The following MAP3K2 variants were observed in gnomAD, a reference collection of about 807,000 sequenced individuals.
MAP3K2 encodes the protein MAP/ERK kinase kinase 2.
MAP3K2 carries 24 observed loss-of-function variants against 80.3 expected under a neutral mutation model. The observed-to-expected ratio is 0.30, with a 90% CI of 0.22 to 0.42. The LOEUF (loss-of-function observed/expected upper bound fraction) is 0.42, where lower values mean the gene tolerates loss of function less well. Among genes scored for constraint, MAP3K2 ranks in the 10% least tolerant of loss-of-function variants. The probability of loss-of-function intolerance (pLI) is 1.00; values close to 1 mark genes in which losing one functional copy is unlikely to be tolerated. For synonymous variants in MAP3K2, 244 were observed against 253.7 expected (o/e 0.96, Z 0.36); for missense variants, 608 against 750.1 (o/e 0.81, Z 2.21).
At chr2:127,338,778 G>T (rs933911022) in intron 3 of MAP3K2, among the ~76,000 whole-genome samples, 154 bp downstream of exon 3, 1 of 152,082 alleles carries the variant, frequency 6.6e-6, no homozygotes. Flanking sequence ...ACTGTTAATA[G>T]ATGAACACAC....
chr2:127,382,628 G>A (rs939715940), intron 1 of MAP3K2, among the ~76,000 whole-genome samples: 2 of 152,240 alleles, frequency 1.3e-5, no homozygotes, highest in South Asian at 2.1e-4. Flanking sequence ...CATCTCTTGG[G>A]TTCAAGCAGT....
rs1428272012 is a variant in MAP3K2, at chr2:127,339,204, T to G, written c.5-154A>C. ...TAGAACATTTTTAATGCCTACACTT[T>G]TGGTAAAATAAAATTGCACTAGACT... On this transcript the variant is annotated intron_variant, in intron 2 of 16. Transcript: ENST00000682094. This position sits in a 1 kb window ranked among gnomAD's most constrained non-coding sequence, Gnocchi z 4.2. Among the ~76,000 whole-genome samples, 2 of 152,222 alleles carry G rather than the reference T, an allele frequency of 1.3e-5. No individual in the cohort carries two copies. Among genetic ancestry groups the G allele is most frequent in the African/African-American group, 4.8e-5 (2 of 41,450 alleles).
At position 127,305,977 on chromosome 2, in the gene MAP3K2, A is replaced by G. The variant is rs1685690101; in HGVS notation, c.*1602T>C. ...AAATCATGAATTTTAAGGAAAGAAT[A>G]TATAGAGATGGCTGAGTTCAAAAGG... On this transcript the variant is annotated 3_prime_UTR_variant, in exon 17 of 17. Coordinates refer to ENST00000682094, the MANE Select transcript of MAP3K2 (RefSeq NM_001371910.2). 6.7e-6 allele frequency: 1 copy of G among 149,520 alleles called. No individual in the cohort carries two copies. Among genetic ancestry groups the G allele is most frequent in the Non-Finnish European group, 1.5e-5 (1 of 67,658 alleles). 9.3% of individuals were successfully genotyped at this position (149,520 alleles called of 1,614,324 possible).
At position 127,370,445 on chromosome 2, in the gene MAP3K2, G is replaced by A. The variant is rs187475414; in HGVS notation, c.-66+17007C>T. On this transcript the variant is annotated intron_variant, in intron 1 of 16. Transcript: ENST00000682094. ...TTGAAAATGAAGGTGAAAAAACTGC[G>A]GTCAGTAAGTCACTGTTGCCTGCTC... is the stretch of plus-strand genomic sequence containing the variant. Among the ~76,000 whole-genome samples, 170 of 152,318 alleles carry A rather than the reference G, an allele frequency of 1.1e-3. 2 individuals carry two copies. The highest frequency in any genetic ancestry group is 3.8e-3 in the African/African-American group (158 of 41,568).
intron 1 of MAP3K2, among the ~76,000 whole-genome samples, chr2:127,351,830 T>C (rs1409758797): frequency 6.6e-6 from 1 of 152,102 alleles, no homozygotes; most frequent in Non-Finnish European, 1.5e-5. Context: ...GTCCTTGCCA[T>C]GGCTTACTTC....
At chr2:127,328,509 G>A (rs1367421461) in intron 7 of MAP3K2, among the ~76,000 whole-genome samples, 1 of 152,152 alleles carries the variant, frequency 6.6e-6, no homozygotes, top group Non-Finnish European at 1.5e-5. Context: ...CACATTTACT[G>A]GTCTCAGGTT....
rs546692616 is a variant in MAP3K2 at position 127,330,183 on chromosome 2, G to A, written c.379-175C>T. 7.9e-5 allele frequency among the ~76,000 whole-genome samples: 12 copies of A among 152,060 alleles called. No individual in the cohort carries two copies. In the East Asian group the frequency reaches 1.5e-3, roughly 20 times the overall value. The stretch of plus-strand genomic sequence containing the variant: ...TAAGTTGTCAGTTTCTATTAGCTTC[G>A]TATGTACAACATATTATACTTATTT... On this transcript the variant is annotated intron_variant, in intron 6 of 16. Transcript: ENST00000682094.
intron 5 of MAP3K2, among the ~76,000 whole-genome samples, chr2:127,332,679 T>C (rs568787692): frequency 1.3e-5 from 2 of 152,256 alleles, no homozygotes; most frequent in South Asian, 4.1e-4. Flanking sequence ...TCTATCACCC[T>C]CTGGCTTATT....
chr2:127,346,744 T>TA (rs35032074), intron 1 of MAP3K2, among the ~76,000 whole-genome samples: 57,271 of 151,934 alleles, frequency 0.38, 11,545 homozygotes, highest in East Asian at 0.62. Flanking sequence ...TCCCAGCACT[T>TA]TGGGAGGCTG....
At chr2:127,329,366 C>CTTTTTTTTT (rs10625897) in intron 7 of MAP3K2, among the ~76,000 whole-genome samples, 1 of 146,416 alleles carries the variant, frequency 6.8e-6, no homozygotes, top group Non-Finnish European at 1.5e-5. Flanking sequence ...CAATTAAAAC[C>CTTTTTTTTT]TTTTTTTTTG....
chr2:127,354,105 T>C (rs958047855), intron 1 of MAP3K2, among the ~76,000 whole-genome samples: 1 of 151,888 alleles, frequency 6.6e-6, no homozygotes, highest in Non-Finnish European at 1.5e-5. Flanking sequence ...ACAAACACTG[T>C]GGAAGGCCGC....
chr2:127,369,748 A>G (rs2104885816), intron 1 of MAP3K2, among the ~76,000 whole-genome samples: 1 of 152,352 alleles, frequency 6.6e-6, no homozygotes, highest in Non-Finnish European at 1.5e-5. Context: ...AGTACAGTCA[A>G]GAGTCTTCCT....
Position 127,306,764 on chromosome 2 carries a change from C to G in MAP3K2, c.*815G>C, listed in dbSNP as rs537823477. ...TTGACTGTAAATGTGGTCTCTTCTA[C>G]TGCTCACACATTTGATAAGAGTGAT... On this transcript the variant is annotated 3_prime_UTR_variant, in exon 17 of 17. Transcript: ENST00000682094. This position sits in a 1 kb window ranked among gnomAD's most constrained non-coding sequence, Gnocchi z 4.7. 1 of 152,354 alleles carries G rather than the reference C, an allele frequency of 6.6e-6. No homozygotes were observed. The highest frequency in any genetic ancestry group is 2.4e-5 in the African/African-American group (1 of 41,496). 9.4% of individuals were successfully genotyped at this position (152,354 alleles called of 1,614,324 possible). A position where few individuals can be genotyped will look rare whatever the true frequency, so the allele number is the denominator to read the frequency against.
At chr2:127,312,209 A>G (rs1458218493) in intron 15 of MAP3K2, among the ~76,000 whole-genome samples, 5 of 152,350 alleles carry the variant, frequency 3.3e-5, no homozygotes, top group Admixed American at 2.0e-4. Context: ...TTCTATGAAG[A>G]TAAGTTTCCT....
chr2:127,374,015 C>T (rs1320851139), intron 1 of MAP3K2, among the ~76,000 whole-genome samples: 1 of 152,116 alleles, frequency 6.6e-6, no homozygotes, highest in Non-Finnish European at 1.5e-5. Flanking sequence ...TAGTTCAATC[C>T]CCCATACCTA....
At chr2:127,323,876 T>A (rs1192813072) in intron 11 of MAP3K2, 26 bp downstream of exon 11, 1 of 1,144,182 alleles carries the variant, frequency 8.7e-7, no homozygotes, top group African/African-American at 1.6e-5. Context: ...TTAACTATTC[T>A]TGTGGTCTAA....
chr2:127,328,562 T>C (rs1187576011), intron 7 of MAP3K2, among the ~76,000 whole-genome samples: 1 of 152,246 alleles, frequency 6.6e-6, no homozygotes, highest in Non-Finnish European at 1.5e-5. Context: ...TCAAATGTTC[T>C]TTCACCAAAT....
At position 127,299,147 on chromosome 2, in the gene MAP3K2, G is replaced by C. The variant is rs926539868; in HGVS notation, c.*8432C>G. The C allele has an allele frequency of 1.3e-5, 2 of 152,120 alleles. No individual in the cohort carries two copies. The highest frequency in any genetic ancestry group is 4.8e-5 in the African/African-American group (2 of 41,422). The allele number at this position is 152,120 out of a possible 1,614,324, so 9.4% of individuals were successfully genotyped here. On this transcript the variant is annotated 3_prime_UTR_variant, in exon 17 of 17. Transcript: ENST00000682094. ...ACACTGGTTCCTTTTAACATAATAA[G>C]CTTAGTGACATTCAACTTCAACAGT...
chr2:127,381,955 T>C (rs937369337), intron 1 of MAP3K2, among the ~76,000 whole-genome samples: 1 of 152,086 alleles, frequency 6.6e-6, no homozygotes, highest in African/African-American at 2.4e-5. Context: ...ATCGAGAATA[T>C]GAGTCACTTT....
Sources: allele counts gnomAD v4.1 joint callset (sites outside exome capture counted in the v4.1 genomes callset), GRCh38; gene constraint gnomAD v4.1.1; non-coding constraint Gnocchi (gnomAD v3.1); transcripts MANE v1.5; gene names NCBI Gene and HGNC (gene_info 2026-07-23, HGNC 2026-07-21).